The following MDN1 variants were observed in gnomAD, a reference collection of about 807,000 sequenced individuals.
The protein encoded by MDN1 is midasin AAA ATPase 1, also known as midasin.
MDN1 carries 266 observed loss-of-function variants against 669.2 expected under a neutral mutation model. The ratio of observed to expected loss-of-function variants is 0.40; its 90% confidence interval spans 0.36 to 0.44. The LOEUF is 0.44. Ranked by LOEUF, MDN1 falls within the 20% of genes least tolerant of loss-of-function variation. The pLI, the probability that MDN1 is intolerant of heterozygous loss-of-function variation, is 1.00. For missense variants in MDN1, 5,940 were observed against 6,754.0 expected, an observed-to-expected ratio of 0.88 and a Z score of 4.22; for synonymous variants, 2,385 against 2,457.1, an observed-to-expected ratio of 0.97 and a Z score of 0.87.
intron 13 of MDN1, among the ~76,000 whole-genome samples, chr6:89,773,880 G>A (rs934420809): frequency 5.9e-5 from 9 of 151,672 alleles, no homozygotes; most frequent in East Asian, 1.9e-4. Context: ...CAGGAGAATC[G>A]CTTGAACCAG....
rs1309647770 is a variant in MDN1, at chr6:89,674,214, A to G, written c.13137T>C (p.Leu4379=). 6.2e-7 allele frequency: 1 copy of G among 1,614,098 alleles called. No homozygotes were observed. Among genetic ancestry groups the G allele is most frequent in the Non-Finnish European group, 8.5e-7 (1 of 1,180,050 alleles). Residue 4379 remains leucine, a synonymous_variant, in exon 79 of 102, where the codon CTT becomes CTC. Transcript: ENST00000369393. ...TTAATCTCGTAGTTGACTGTTGCCA[A>G]AGGTGATCCTGTTTCCGCATCCGGC... is the stretch of plus-strand genomic sequence containing the variant. ...SGCRMRKQDH[L]WQQSTTRLTE...
At chr6:89,701,180 A>G (rs960877838) in intron 55 of MDN1, among the ~76,000 whole-genome samples, 2 of 152,218 alleles carry the variant, frequency 1.3e-5, no homozygotes, top group African/African-American at 2.4e-5. Context: ...TTCAGGGGGA[A>G]AAATGGATGG....
intron 97 of MDN1, among the ~76,000 whole-genome samples, chr6:89,649,381 T>G (rs1181284187): frequency 6.6e-6 from 1 of 152,234 alleles, no homozygotes. Context: ...GGAGCTGGGA[T>G]ATGAACCCAG....
rs540535599 is a variant in MDN1 at position 89,665,891 on chromosome 6, T to C, written c.14095-1263A>G. ...CCTGTCTCTACTAAAAATACAAAAA[T>C]TACCCTGGCATTGTGGCGTGCGCCT... On this transcript the variant is annotated intron_variant, in intron 84 of 101. Coordinates refer to ENST00000369393, the MANE Select transcript of MDN1 (RefSeq NM_014611.3). Among the ~76,000 whole-genome samples, 14 of 151,946 alleles carry C rather than the reference T, an allele frequency of 9.2e-5. No individual in the cohort carries two copies. In the South Asian group the frequency reaches 2.9e-3, roughly 32 times the overall value.
At chr6:89,651,209 C>T (rs763722446) in intron 95 of MDN1, among the ~76,000 whole-genome samples, 56 of 150,352 alleles carry the variant, frequency 3.7e-4, no homozygotes, top group Non-Finnish European at 6.8e-4. Context: ...CCTGTAATCC[C>T]AGCTACTCAG....
At chr6:89,661,064 CTG>C (rs1562048258) in intron 88 of MDN1, among the ~76,000 whole-genome samples, 2 of 152,180 alleles carry the variant, frequency 1.3e-5, no homozygotes. Context: ...AAAGCTATAA[CTG>C]GACTCCACGA....
In MDN1 at chr6:89,652,235, T is replaced by C. The variant is rs1808926151; in HGVS notation, c.15872A>G (p.Gln5291Arg). ...VNELRQELERQLEMWQPRESG... is the reference protein window; with the variant it reads ...VNELRQELERRLEMWQPRESG... ...TTCACGTGGCTGCCACATTTCCAGC[T>C]GTCTCTCCAGCTCCTGTCTTAGCTC... The change falls in exon 95 of 102, where the codon CAG becomes CGG. Residue 5291 changes from glutamine (Q) to arginine (R), a missense_variant. Transcript: ENST00000369393. 6.2e-7 allele frequency: 1 copy of C among 1,614,018 alleles called. No homozygotes were observed. The highest frequency in any genetic ancestry group is 1.7e-5 in the Admixed American group (1 of 59,990).
intron 12 of MDN1, among the ~76,000 whole-genome samples, chr6:89,775,666 G>T (rs530333688): frequency 2.6e-5 from 4 of 152,032 alleles, no homozygotes; most frequent in Non-Finnish European, 4.4e-5. Context: ...ACTACTCTTT[G>T]CAACTTTTTT....
intron 49 of MDN1, 83 bp from the exon 50 acceptor site, chr6:89,710,877 A>G: frequency 1.3e-6 from 1 of 768,000 alleles, no homozygotes; most frequent in Non-Finnish European, 2.1e-6. Context: ...AATGTTCTAC[A>G]GCTGCATAGA....
intron 2 of MDN1, among the ~76,000 whole-genome samples, chr6:89,796,184 T>G (rs1222691096): frequency 6.8e-6 from 1 of 146,866 alleles, no homozygotes; most frequent in Admixed American, 6.8e-5. Flanking sequence ...ATTAGCCAGG[T>G]GTGGTGGTGC....
At chr6:89,705,918 A>G (rs1186174136) in intron 53 of MDN1, 141 bp downstream of exon 53, 2 of 651,676 alleles carry the variant, frequency 3.1e-6, no homozygotes, top group Admixed American at 6.5e-5. Flanking sequence ...GTGTATAGGT[A>G]TATTTAAAAC....
chr6:89,659,526 A>G (rs1223367841), intron 88 of MDN1, among the ~76,000 whole-genome samples: 2 of 152,246 alleles, frequency 1.3e-5, no homozygotes, highest in Admixed American at 6.5e-5. Context: ...AAAATATTTA[A>G]TATCTGACAC....
At position 89,720,531 on chromosome 6, in the gene MDN1, T is replaced by TC. The variant is rs542940535; in HGVS notation, c.5968-1307dup. The stretch of plus-strand genomic sequence containing the variant: ...TAACATTATTTTTCTTGACCTTGTC[T>TC]CCCCCGCTAGAAAACACCTATAAGG... On this transcript the variant is annotated intron_variant, in intron 40 of 101. Coordinates refer to ENST00000369393, the MANE Select transcript of MDN1 (RefSeq NM_014611.3). Among the ~76,000 whole-genome samples, 906 of 152,182 alleles carry TC rather than the reference T, an allele frequency of 6.0e-3. 9 individuals carry two copies. Among genetic ancestry groups the TC allele is most frequent in the Non-Finnish European group, 9.7e-3 (662 of 68,010 alleles).
At chr6:89,646,330 A>G (rs367776032) in intron 100 of MDN1, among the ~76,000 whole-genome samples, 1 of 152,168 alleles carries the variant, frequency 6.6e-6, no homozygotes, top group African/African-American at 2.4e-5. Flanking sequence ...TAGATCCCCC[A>G]TTGATTATAA....
At chr6:89,644,666 A>G (rs1473164414) in intron 101 of MDN1, among the ~76,000 whole-genome samples, 1 of 152,240 alleles carries the variant, frequency 6.6e-6, no homozygotes, top group African/African-American at 2.4e-5. Context: ...CAAAGTGGTC[A>G]GTACCCATTA....
chr6:89,712,434 C>A, intron 48 of MDN1, 141 bp downstream of exon 48: 1 of 995,560 alleles, frequency 1.0e-6, no homozygotes, highest in Non-Finnish European at 1.5e-6. Context: ...GGAGCAATAT[C>A]ACAATGAACA....
In MDN1 at chr6:89,730,710, T is replaced by A. The variant is rs1364360775; in HGVS notation, c.5140+16A>T. 6 of 1,599,782 alleles carry A rather than the reference T, an allele frequency of 3.8e-6. No homozygotes were observed. The highest frequency in any genetic ancestry group is 2.3e-5 in the South Asian group (2 of 88,788). On this transcript the variant is annotated intron_variant, in intron 35 of 101. Coordinates refer to ENST00000369393, the MANE Select transcript of MDN1 (RefSeq NM_014611.3). ...CTATAGAAAAGGAAAATTCATTTTTTAAAAATCATTCTTACCCCTTGGTAT... is the reference window on the plus strand; with the variant it reads ...CTATAGAAAAGGAAAATTCATTTTTAAAAAATCATTCTTACCCCTTGGTAT...
intron 15 of MDN1, among the ~76,000 whole-genome samples, chr6:89,767,633 G>A (rs1487673513): frequency 1.3e-5 from 2 of 152,102 alleles, no homozygotes; most frequent in East Asian, 1.9e-4. Flanking sequence ...GTACATGCCT[G>A]TAATCCCAGC....
At chr6:89,679,972 G>A (rs1194150728) in intron 74 of MDN1, among the ~76,000 whole-genome samples, 2 of 152,190 alleles carry the variant, frequency 1.3e-5, no homozygotes, top group Admixed American at 1.3e-4. Context: ...AGAGCTCCCT[G>A]AGATTAGATG....
Sources: allele counts gnomAD v4.1 joint callset (sites outside exome capture counted in the v4.1 genomes callset), GRCh38; gene constraint gnomAD v4.1.1; transcripts MANE v1.5; gene names NCBI Gene and HGNC (gene_info 2026-07-23, HGNC 2026-07-21).